Variants in THSD7B observed in about 807,000 individuals in gnomAD.
THSD7B encodes thrombospondin type-1 domain-containing protein 7B.
A neutral mutation model predicts 213.6 loss-of-function variants in THSD7B; 138 were observed. The ratio of observed to expected loss-of-function variants is 0.65; its 90% CI spans 0.56 to 0.74. THSD7B has a LOEUF of 0.74. Ranked by LOEUF, THSD7B falls within the 30% of genes least tolerant of loss-of-function variation. The pLI, the probability that THSD7B is intolerant of heterozygous loss-of-function variation, is 0.00. For synonymous variants in THSD7B, 742 were observed against 687.0 expected (o/e 1.08, Z -1.25); for missense variants, 1,931 against 1,991.5 (o/e 0.97, Z 0.58).
At chr2:137,512,703 A>G (rs948116356) in intron 15 of THSD7B, among the ~76,000 whole-genome samples, 1 of 151,880 alleles carries the variant, frequency 6.6e-6, no homozygotes, top group Non-Finnish European at 1.5e-5. Flanking sequence ...CTTATTCACT[A>G]CTTTTAAAGG....
chr2:137,638,508 A>G (rs1682876911), intron 20 of THSD7B, among the ~76,000 whole-genome samples: 1 of 152,206 alleles, frequency 6.6e-6, no homozygotes, highest in Non-Finnish European at 1.5e-5. Flanking sequence ...CTTTATCAGC[A>G]GTGTGAAAAC....
chr2:136,918,972 T>C (rs754532609), intron 2 of THSD7B, among the ~76,000 whole-genome samples: 1 of 152,170 alleles, frequency 6.6e-6, no homozygotes, highest in African/African-American at 2.4e-5. Flanking sequence ...CTTTGTATGC[T>C]CTTCATGAAG....
chr2:137,561,104 A>G (rs1681108484), intron 15 of THSD7B, among the ~76,000 whole-genome samples: 2 of 152,188 alleles, frequency 1.3e-5, no homozygotes, highest in East Asian at 3.9e-4. Context: ...TTACTCAAGA[A>G]GGTATCTCCA....
At chr2:137,074,382 GT>G (rs533385291) in intron 3 of THSD7B, among the ~76,000 whole-genome samples, 5 of 152,176 alleles carry the variant, frequency 3.3e-5, no homozygotes, top group African/African-American at 1.2e-4. Flanking sequence ...TTTAAAGTCT[GT>G]TTTATCCGAG....
At position 137,210,822 on chromosome 2, in the gene THSD7B, A is replaced by AT. The variant is rs75502944; in HGVS notation, c.1724-20222_1724-20221insT. 3.3e-3 allele frequency among the ~76,000 whole-genome samples: 503 copies of AT among 150,924 alleles called. 2 individuals are homozygous for AT. The highest frequency in any genetic ancestry group is 0.012 in the African/African-American group (483 of 41,134). ...TTATGTTCTAGTTAAAGTTAAAAAA[A>AT]AGTTATTTCAGAAGATAGAATTTAG... On this transcript the variant is annotated intron_variant, in intron 7 of 27. Coordinates refer to ENST00000409968, the MANE Select transcript of THSD7B (RefSeq NM_001316349.2).
intron 4 of THSD7B, among the ~76,000 whole-genome samples, chr2:137,113,920 T>C (rs923062226): frequency 6.6e-6 from 1 of 152,200 alleles, no homozygotes; most frequent in Admixed American, 6.5e-5. Flanking sequence ...CAAATCCTTT[T>C]TCTATGGTGG....
intron 27 of THSD7B, among the ~76,000 whole-genome samples, chr2:137,672,585 T>C (rs369402645): frequency 6.6e-6 from 1 of 152,154 alleles, no homozygotes; most frequent in Non-Finnish European, 1.5e-5. Flanking sequence ...GAAACCCAAA[T>C]AGATATTTTC....
intron 3 of THSD7B, among the ~76,000 whole-genome samples, chr2:137,073,188 C>A (rs980110871): frequency 6.6e-6 from 1 of 152,082 alleles, no homozygotes; most frequent in Non-Finnish European, 1.5e-5. Context: ...GGTACCAGTT[C>A]CTCTTTGTAC....
At chr2:137,328,283 A>G (rs1170154540) in intron 12 of THSD7B, among the ~76,000 whole-genome samples, 1 of 152,188 alleles carries the variant, frequency 6.6e-6, no homozygotes, top group Admixed American at 6.5e-5. Context: ...AACAACAACA[A>G]CAACAAACAC....
intron 1 of THSD7B, among the ~76,000 whole-genome samples, chr2:136,854,251 C>T (rs1683146083): frequency 7.1e-6 from 1 of 141,288 alleles, no homozygotes; most frequent in East Asian, 2.1e-4. Context: ...TATGTGCATA[C>T]ATCCATATCT....
At chr2:137,406,210 C>G (rs1686513372) in intron 13 of THSD7B, among the ~76,000 whole-genome samples, 1 of 152,082 alleles carries the variant, frequency 6.6e-6, no homozygotes, top group Non-Finnish European at 1.5e-5. Context: ...ACATCATTGT[C>G]TTTTGCCATT....
intron 12 of THSD7B, among the ~76,000 whole-genome samples, chr2:137,365,252 A>G (rs1685381067): frequency 6.6e-6 from 1 of 152,262 alleles, no homozygotes; most frequent in Non-Finnish European, 1.5e-5. Flanking sequence ...AAGATGGATT[A>G]AAGACTTACC....
At chr2:137,487,376 A>AAC (rs1181423261) in intron 15 of THSD7B, among the ~76,000 whole-genome samples, 1 of 137,190 alleles carries the variant, frequency 7.3e-6, no homozygotes, top group African/African-American at 2.8e-5. Flanking sequence ...CTCCGTCTCA[A>AAC]AAAAAAAAAA....
intron 15 of THSD7B, among the ~76,000 whole-genome samples, chr2:137,496,521 T>A (rs1322388757): frequency 6.6e-6 from 1 of 152,206 alleles, no homozygotes; most frequent in African/African-American, 2.4e-5. Context: ...CCAGCTTTTA[T>A]TATGTGCAGA....
intron 12 of THSD7B, among the ~76,000 whole-genome samples, chr2:137,358,758 C>G (rs1343865794): frequency 6.6e-6 from 1 of 152,156 alleles, no homozygotes; most frequent in African/African-American, 2.4e-5. Flanking sequence ...CAGTGCCAAA[C>G]ACAGTATCTC....
intron 1 of THSD7B, among the ~76,000 whole-genome samples, chr2:136,807,546 G>A (rs573834359): frequency 2.1e-4 from 24 of 116,814 alleles, no homozygotes; most frequent in African/African-American, 5.2e-4. Context: ...CTTGCTCATC[G>A]CCCAGGCTGG....
At chr2:137,159,411 G>A (rs1679969286) in intron 5 of THSD7B, among the ~76,000 whole-genome samples, 1 of 151,666 alleles carries the variant, frequency 6.6e-6, no homozygotes, top group African/African-American at 2.4e-5. Flanking sequence ...CTGGGTGACA[G>A]GGTGAAACCC....
chr2:136,855,140 T>C (rs1184899786), intron 1 of THSD7B, among the ~76,000 whole-genome samples: 1 of 152,204 alleles, frequency 6.6e-6, no homozygotes, highest in African/African-American at 2.4e-5. Flanking sequence ...TTTATAGAGA[T>C]ATATCTCTTT....
At chr2:136,944,094 T>C (rs143039183) in intron 2 of THSD7B, among the ~76,000 whole-genome samples, 15 of 152,358 alleles carry the variant, frequency 9.8e-5, no homozygotes, top group African/African-American at 3.4e-4. Context: ...TTTGTTCTTA[T>C]TGGTTTCAAA....
Sources: gnomAD v4.1 joint callset for allele counts (sites outside exome capture counted in the v4.1 genomes callset) on GRCh38, gnomAD v4.1.1 for gene constraint, MANE v1.5 for transcripts, NCBI Gene and HGNC (gene_info 2026-07-23, HGNC 2026-07-21) for gene names.